UNC13D: variants seen among roughly 807,000 people sequenced by gnomAD.
UNC13D encodes the protein unc-13 homolog D, also known as protein unc-13 homolog D.
A neutral mutation model predicts 151.7 loss-of-function variants in UNC13D; 115 were observed. The ratio of observed to expected loss-of-function variants is 0.76; its 90% CI spans 0.65 to 0.88. The LOEUF is 0.88. UNC13D is among the 40% of genes least tolerant of loss of function. The pLI is 0.00. For synonymous variants in UNC13D, 588 were observed against 612.2 expected, an observed-to-expected ratio of 0.96 and a Z score of 0.58; for missense variants, 1,369 against 1,438.7, an observed-to-expected ratio of 0.95 and a Z score of 0.78.
chr17:75,838,355 A>G (rs2064923065), intron 12 of UNC13D, among the ~76,000 whole-genome samples: 1 of 151,702 alleles, frequency 6.6e-6, no homozygotes, highest in Non-Finnish European at 1.5e-5. Flanking sequence ...AGTAGCTGGG[A>G]TTACAGACAT....
chr17:75,835,790 G>A lies in UNC13D; in HGVS notation c.1597-13C>T. On this transcript the variant is annotated splice_polypyrimidine_tract_variant and intron_variant, in intron 18 of 31. Coordinates refer to ENST00000207549, the MANE Select transcript of UNC13D (RefSeq NM_199242.3). ...CCCGCTTGGCCACCTGCAAAGGAAAGGTGTGGAGGGCGGGGCCCACAGCTC... is the reference window on the plus strand; with the variant it reads ...CCCGCTTGGCCACCTGCAAAGGAAAAGTGTGGAGGGCGGGGCCCACAGCTC... 3.1e-6 allele frequency: 5 copies of A among 1,614,030 alleles called. No homozygotes were observed. Among genetic ancestry groups the A allele is most frequent in the Non-Finnish European group, 4.2e-6 (5 of 1,180,036 alleles).
intron 12 of UNC13D, among the ~76,000 whole-genome samples, chr17:75,838,858 T>C (rs968314845): frequency 6.6e-6 from 1 of 151,686 alleles, no homozygotes; most frequent in East Asian, 2.0e-4. Context: ...CCCAGCACTT[T>C]GGGAGGCCAA....
chr17:75,841,860 T>C (rs1229221219), intron 6 of UNC13D, among the ~76,000 whole-genome samples: 2 of 151,514 alleles, frequency 1.3e-5, no homozygotes, highest in Non-Finnish European at 2.9e-5. Context: ...GCGATTCCCC[T>C]GCCTCAGCCT....
intron 6 of UNC13D, 40 bp from the exon 7 acceptor site, chr17:75,841,041 TG>T: frequency 6.2e-7 from 1 of 1,609,526 alleles, no homozygotes; most frequent in African/African-American, 1.3e-5. Flanking sequence ...CCCTGGAGGG[TG>T]GATGCCCCCA....
chr17:75,832,749 C>G lies in UNC13D; in HGVS notation c.2447+217G>C. ...CGAGCCTTAGCAGAGCCTGTTGCAC[C>G]CATAAGGGAGGTCACCAAAGGGATT... is the stretch of plus-strand genomic sequence containing the variant. On this transcript the variant is annotated intron_variant, in intron 25 of 31. Transcript: ENST00000207549. The surrounding 1 kb of genome is among the most constrained non-coding windows in gnomAD (Gnocchi z 4.3). 3.8e-6 allele frequency: 2 copies of G among 532,808 alleles called. No homozygotes were observed. Among genetic ancestry groups the G allele is most frequent in the South Asian group, 4.1e-5 (2 of 48,440 alleles). The allele number at this position is 532,808 out of a possible 1,614,324, so 33.0% of individuals were successfully genotyped here.
chr17:75,834,089 C>T lies in UNC13D; in HGVS notation c.2353G>A (p.Val785Ile). 6.2e-7 allele frequency: 1 copy of T among 1,613,800 alleles called. No individual in the cohort carries two copies. Among genetic ancestry groups the T allele is most frequent in the Non-Finnish European group, 8.5e-7 (1 of 1,180,020 alleles). ...GGGCCACTTACATCCTCAGGCAGGA[C>T]AGACTCCCTGACGCCCACCAGTTTC... ...IQKLVGVRESVLPEDAILPLM... is the reference protein window; with the variant it reads ...IQKLVGVRESILPEDAILPLM... The change falls in exon 24 of 32, where the codon GTC becomes ATC. Residue 785 changes from valine to isoleucine, a missense_variant. By Grantham distance (29) the Val-to-Ile change is conservative. Transcript: ENST00000207549.
chr17:75,828,938 C>G lies in UNC13D; in HGVS notation c.3000G>C (p.Leu1000=). 1 of 1,606,380 alleles carries G rather than the reference C, an allele frequency of 6.2e-7. No individual in the cohort carries two copies. The highest frequency in any genetic ancestry group is 8.5e-7 in the Non-Finnish European group (1 of 1,179,722). Residue 1000 remains leucine (L), a synonymous_variant, in exon 31 of 32, where the codon CTG becomes CTC. Transcript: ENST00000207549. ...GCGTGTCGTAGTCCAGCACGGTGAGCAGGAGGCATGCCCCAGCCTTGCGGC... is the reference window on the plus strand; with the variant it reads ...GCGTGTCGTAGTCCAGCACGGTGAGGAGGAGGCATGCCCCAGCCTTGCGGC... The part of the protein sequence containing the change: ...EPCRKAGACL[L]LTVLDYDTLG...
intron 27 of UNC13D, 143 bp from the exon 28 acceptor site, chr17:75,830,804 C>A: frequency 9.1e-7 from 1 of 1,097,088 alleles, no homozygotes; most frequent in Non-Finnish European, 1.3e-6. Flanking sequence ...GCTGGGGCCA[C>A]CCTCAGGCCA....
intron 24 of UNC13D, 21 bp downstream of exon 24, chr17:75,834,051 CCAG>C: frequency 1.2e-6 from 2 of 1,613,338 alleles, no homozygotes; most frequent in Non-Finnish European, 1.7e-6. Flanking sequence ...GTGGTGAAGG[CCAG>C]CAGGCAGAAG....
Position 75,828,086 on chromosome 17 carries a change from C to G in UNC13D, c.3152G>C (p.Gly1051Ala), listed in dbSNP as rs1184313919. 1 of 1,572,460 alleles carries G rather than the reference C, an allele frequency of 6.4e-7. No individual in the cohort carries two copies. Among genetic ancestry groups the G allele is most frequent in the Non-Finnish European group, 8.6e-7 (1 of 1,158,898 alleles). Residue 1051 changes from glycine to alanine, a missense_variant and splice_region_variant, in exon 32 of 32, where the codon GGG becomes GCG. Gly to Ala is a moderately conservative substitution (Grantham distance 60, BLOSUM62 0). Coordinates refer to ENST00000207549, the MANE Select transcript of UNC13D (RefSeq NM_199242.3). ...RLPLTYPAPN[G>A]DPILQLLEGR... is the part of the protein sequence containing the mutation. The stretch of plus-strand genomic sequence containing the variant: ...CTCCAGCAGCTGCAGGATTGGGTCC[C>G]CTGCGGAGAGAGGGGTTTGGGGGTC...
intron 6 of UNC13D, among the ~76,000 whole-genome samples, chr17:75,841,385 C>T (rs1367766673): frequency 6.6e-6 from 1 of 150,924 alleles, no homozygotes; most frequent in Non-Finnish European, 1.5e-5. Flanking sequence ...CCTCGTGATC[C>T]GCCCGCCTAG....
Position 75,834,087 on chromosome 17 carries a change from G to A in UNC13D, c.2355C>T (p.Val785=). Residue 785 remains valine (V), a synonymous_variant, in exon 24 of 32, where the codon GTC becomes GTT. Coordinates refer to ENST00000207549, the MANE Select transcript of UNC13D (RefSeq NM_199242.3). ...IQKLVGVRES[V]LPEDAILPLM... is the part of the protein sequence containing the mutation. The stretch of plus-strand genomic sequence containing the variant: ...AAGGGCCACTTACATCCTCAGGCAG[G>A]ACAGACTCCCTGACGCCCACCAGTT... The A allele has an allele frequency of 1.2e-6, 2 of 1,613,754 alleles. No homozygotes were observed. The highest frequency in any genetic ancestry group is 8.5e-7 in the Non-Finnish European group (1 of 1,180,030).
At chr17:75,836,476 T>C in intron 14 of UNC13D, 47 bp from the exon 15 acceptor site, 1 of 1,612,202 alleles carries the variant, frequency 6.2e-7, no homozygotes, top group South Asian at 1.1e-5. Flanking sequence ...TGCCCCACAC[T>C]GCACTCACTC....
rs767665457 is a variant in UNC13D, at chr17:75,836,081, A to G, written c.1475T>C (p.Leu492Pro). Residue 492 changes from leucine (L) to proline (P), a missense_variant, in exon 17 of 32, where the codon CTG becomes CCG. By Grantham distance (98) the Leu-to-Pro change is moderately conservative (BLOSUM62 -3). This residue lies in a region of UNC13D where 807 missense variants were observed against 795.5 expected (regional missense o/e 1.01). Transcript: ENST00000207549. ...GCCAATGACATCCTGTACCAGGCCC[A>G]GCAAGGCCTTGCCTGCCTCCGGGAT... is the stretch of plus-strand genomic sequence containing the variant. ...QGIPEAGKAL[L>P]GLVQDVIGDL... 2.5e-6 allele frequency: 4 copies of G among 1,613,688 alleles called. No individual in the cohort carries two copies. In the South Asian group the frequency reaches 4.4e-5, roughly 18 times the overall value.
In UNC13D at chr17:75,827,484, C is replaced by T. The variant is rs1567815207; in HGVS notation, c.*481G>A. On this transcript the variant is annotated 3_prime_UTR_variant, in exon 32 of 32. Transcript: ENST00000207549. ...CCAGGCCCCCTCTAGTAATGGCCAC[C>T]ACCCTCCCCCCAGGGCAGCTGGAGC... 1 of 1,488,870 alleles carries T rather than the reference C, an allele frequency of 6.7e-7. No homozygotes were observed. The highest frequency in any genetic ancestry group is 8.9e-7 in the Non-Finnish European group (1 of 1,121,324). 92.2% of individuals were successfully genotyped at this position (1,488,870 alleles called of 1,614,324 possible).
Position 75,840,298 on chromosome 17 carries a change from G to A in UNC13D, c.785C>T (p.Pro262Leu), listed in dbSNP as rs2064938659. ...GTAGGTCTCAGTGCGGGGTTCCAGG[G>A]GGTACCACTGGTCCTCTCGGCAGCG... ...DLRCREDQWY[P>L]LEPRTETYPD... is the part of the protein sequence containing the mutation. Residue 262 changes from proline (P) to leucine (L), a missense_variant, in exon 10 of 32, where the codon CCC becomes CTC. Transcript: ENST00000207549. The surrounding 1 kb of genome is among the most constrained non-coding windows in gnomAD (Gnocchi z 4.6). 6.2e-7 allele frequency: 1 copy of A among 1,613,880 alleles called. No individual in the cohort carries two copies. The highest frequency in any genetic ancestry group is 1.7e-5 in the Admixed American group (1 of 60,014).
Position 75,828,876 on chromosome 17 carries a change from G to T in UNC13D, c.3062C>A (p.Pro1021Gln). ...ACTCAGCCCGGGCACCTCACGCAGC[G>T]GCAGGAAGGCCTCGCCTTCCAGGTC... ...ADDLEGEAFL[P>Q]LREVPGLSGS... is the part of the protein sequence containing the mutation. Residue 1021 changes from proline to glutamine, a missense_variant, in exon 31 of 32, where the codon CCG (proline) becomes CAG (glutamine). By Grantham distance (76) the Pro-to-Gln change is moderately conservative. Transcript: ENST00000207549. The T allele has an allele frequency of 7.5e-6, 12 of 1,602,274 alleles. No individual in the cohort carries two copies. The highest frequency in any genetic ancestry group is 1.0e-5 in the Non-Finnish European group (12 of 1,177,452).
chr17:75,834,228 C>T (rs1599406660), intron 23 of UNC13D, 85 bp from the exon 24 acceptor site: 15 of 1,590,960 alleles, frequency 9.4e-6, no homozygotes, highest in African/African-American at 1.3e-5. Context: ...TTTAGACGCA[C>T]GAAGGGGTCA....
chr17:75,841,071 C>T (rs1420928063), intron 6 of UNC13D, 70 bp from the exon 7 acceptor site: 2 of 1,584,960 alleles, frequency 1.3e-6, no homozygotes, highest in African/African-American at 1.3e-5. Context: ...AGTAAGTGAC[C>T]ACAGCCCAGA....
Sources: allele counts gnomAD v4.1 joint callset (sites outside exome capture counted in the v4.1 genomes callset), GRCh38; gene constraint gnomAD v4.1.1; regional missense constraint gnomAD v4.1.1; non-coding constraint Gnocchi (gnomAD v3.1); transcripts MANE v1.5; gene names NCBI Gene and HGNC (gene_info 2026-07-23, HGNC 2026-07-21).